The following OLA1 variants were observed in gnomAD, a reference collection of about 807,000 sequenced individuals.
OLA1 encodes obg-like ATPase 1.
A neutral mutation model predicts 48.4 loss-of-function variants in OLA1; 14 were observed. The observed-to-expected ratio is 0.29, with a 90% CI of 0.19 to 0.45. OLA1 has a LOEUF of 0.45. Ranked by LOEUF, OLA1 falls within the 20% of genes least tolerant of loss-of-function variation. OLA1 has a pLI of 1.00. For synonymous variants in OLA1, 127 were observed against 150.4 expected (o/e 0.84, Z 1.14); for missense variants, 325 against 467.1 (o/e 0.70, Z 2.80).
chr2:174,091,334 C>T (rs775319116), intron 7 of OLA1, among the ~76,000 whole-genome samples: 3 of 152,192 alleles, frequency 2.0e-5, no homozygotes, highest in African/African-American at 2.4e-5. Flanking sequence ...TTGGATTTTC[C>T]ACTCTTGCAT....
At chr2:174,117,768 A>C (rs1255149898) in intron 7 of OLA1, among the ~76,000 whole-genome samples, 1 of 152,076 alleles carries the variant, frequency 6.6e-6, no homozygotes, top group African/African-American at 2.4e-5. Flanking sequence ...TGTTATTCAA[A>C]TCCTACAAAC....
At chr2:174,169,976 G>A (rs368300781) in intron 4 of OLA1, among the ~76,000 whole-genome samples, 5 of 152,140 alleles carry the variant, frequency 3.3e-5, no homozygotes, top group Non-Finnish European at 7.4e-5. Context: ...GACAGGGAGG[G>A]AATATGGGAT....
At chr2:174,108,957 C>T (rs922588834) in intron 7 of OLA1, among the ~76,000 whole-genome samples, 1 of 152,160 alleles carries the variant, frequency 6.6e-6, no homozygotes, top group African/African-American at 2.4e-5. Context: ...GAATGGGACA[C>T]TTGCTGTGCC....
At chr2:174,209,610 G>C (rs936243056) in intron 4 of OLA1, among the ~76,000 whole-genome samples, 2 of 152,052 alleles carry the variant, frequency 1.3e-5, no homozygotes, top group Non-Finnish European at 2.9e-5. Context: ...TTAAGATAAG[G>C]AGATTCAAGA....
At chr2:174,182,094 A>T (rs1687557290) in intron 4 of OLA1, among the ~76,000 whole-genome samples, 1 of 152,242 alleles carries the variant, frequency 6.6e-6, no homozygotes, top group Non-Finnish European at 1.5e-5. Context: ...AAATATCTGA[A>T]GAACTAAAAA....
intron 7 of OLA1, among the ~76,000 whole-genome samples, chr2:174,112,170 C>G (rs960894764): frequency 6.6e-6 from 1 of 152,112 alleles, no homozygotes; most frequent in Non-Finnish European, 1.5e-5. Flanking sequence ...CCTTGTCTAC[C>G]TTTCCAGCAT....
chr2:174,200,592 C>A (rs1687970427), intron 4 of OLA1, among the ~76,000 whole-genome samples: 1 of 152,100 alleles, frequency 6.6e-6, no homozygotes, highest in Admixed American at 6.5e-5. Flanking sequence ...TCCCCTGGAA[C>A]AACTGGAATA....
chr2:174,084,586 G>A (rs1684926414), intron 7 of OLA1, among the ~76,000 whole-genome samples: 1 of 152,078 alleles, frequency 6.6e-6, no homozygotes, highest in African/African-American at 2.4e-5. Context: ...GTATCTATTA[G>A]GTCTGATGGT....
intron 4 of OLA1, among the ~76,000 whole-genome samples, chr2:174,217,106 CT>C (rs1455213300): frequency 7.9e-5 from 12 of 152,252 alleles, no homozygotes; most frequent in African/African-American, 2.9e-4. Context: ...AATTCTGTAA[CT>C]GAAAATATTT....
intron 4 of OLA1, among the ~76,000 whole-genome samples, chr2:174,193,297 C>T (rs1056918002): frequency 7.9e-5 from 12 of 152,076 alleles, no homozygotes; most frequent in African/African-American, 2.9e-4. Flanking sequence ...ACCATGTTGA[C>T]CAGGCTGGTC....
intron 7 of OLA1, among the ~76,000 whole-genome samples, chr2:174,096,051 A>T (rs1039627049): frequency 6.6e-6 from 1 of 152,242 alleles, no homozygotes; most frequent in Non-Finnish European, 1.5e-5. Flanking sequence ...GATGATTATA[A>T]TTAAGAAGAC....
chr2:174,193,384 C>T (rs1407801925), intron 4 of OLA1, among the ~76,000 whole-genome samples: 1 of 152,194 alleles, frequency 6.6e-6, no homozygotes, highest in Non-Finnish European at 1.5e-5. Flanking sequence ...GCCACTGCAC[C>T]CAGCTGTCTA....
chr2:174,169,567 A>C (rs1687248898), intron 4 of OLA1, among the ~76,000 whole-genome samples: 1 of 152,240 alleles, frequency 6.6e-6, no homozygotes, highest in Non-Finnish European at 1.5e-5. Context: ...TACCCAGCAA[A>C]AATATTCTTA....
intron 2 of OLA1, among the ~76,000 whole-genome samples, chr2:174,234,723 T>A (rs1338827689): frequency 6.6e-6 from 1 of 152,000 alleles, no homozygotes; most frequent in Non-Finnish European, 1.5e-5. Context: ...TTCAGCCTCG[T>A]AAAGTGCTGG....
intron 10 of OLA1, 145 bp from the exon 11 acceptor site, chr2:174,075,672 C>G: frequency 1.7e-6 from 1 of 581,648 alleles, no homozygotes; most frequent in Non-Finnish European, 3.0e-6. Flanking sequence ...CATACAAGTT[C>G]AAAACTAGAC....
chr2:174,194,599 A>G (rs1468496367), intron 4 of OLA1, among the ~76,000 whole-genome samples: 2 of 152,204 alleles, frequency 1.3e-5, no homozygotes, highest in African/African-American at 4.8e-5. Flanking sequence ...TGACTGGTCT[A>G]TATTTCAAAG....
intron 4 of OLA1, among the ~76,000 whole-genome samples, chr2:174,145,316 TAAAC>T (rs1247722509): frequency 2.0e-5 from 3 of 152,084 alleles, no homozygotes; most frequent in African/African-American, 7.2e-5. Context: ...AGAATTAAAA[TAAAC>T]AGAGTTTCTA....
At chr2:174,196,435 G>A (rs375403445) in intron 4 of OLA1, among the ~76,000 whole-genome samples, 2 of 152,068 alleles carry the variant, frequency 1.3e-5, no homozygotes, top group South Asian at 4.1e-4. Context: ...CTTCTTATTT[G>A]CTACCAAAAT....
intron 4 of OLA1, among the ~76,000 whole-genome samples, chr2:174,196,801 CCT>C (rs1687886918): frequency 6.6e-6 from 1 of 152,056 alleles, no homozygotes; most frequent in African/African-American, 2.4e-5. Context: ...TATAATATGC[CCT>C]GTCAGAATAT....
Sources: gnomAD v4.1 joint callset for allele counts (sites outside exome capture counted in the v4.1 genomes callset) on GRCh38, gnomAD v4.1.1 for gene constraint, MANE v1.5 for transcripts, NCBI Gene and HGNC (gene_info 2026-07-23, HGNC 2026-07-21) for gene names.